CDK19: variants seen among roughly 807,000 people sequenced by gnomAD.
CDK19 encodes the protein cyclin-dependent kinase 19.
CDK19 carries 20 observed loss-of-function variants against 68.3 expected under a neutral mutation model. The ratio of observed to expected loss-of-function variants is 0.29; its 90% confidence interval spans 0.21 to 0.43. The LOEUF (loss-of-function observed/expected upper bound fraction) is 0.43. Among genes scored for constraint, CDK19 ranks in the 20% least tolerant of loss-of-function variants. The pLI is 1.00. For synonymous variants in CDK19, 221 were observed against 222.8 expected, an observed-to-expected ratio of 0.99 and a Z score of 0.07; for missense variants, 339 against 623.5, an observed-to-expected ratio of 0.54 and a Z score of 4.86.
At chr6:110,661,202 T>C (rs1011150357) in intron 4 of CDK19, among the ~76,000 whole-genome samples, 1 of 152,266 alleles carries the variant, frequency 6.6e-6, no homozygotes, top group Non-Finnish European at 1.5e-5. Flanking sequence ...TGGATCAATG[T>C]ACTGATCTTT....
intron 1 of CDK19, among the ~76,000 whole-genome samples, chr6:110,791,780 T>A (rs1314102808): frequency 6.6e-6 from 1 of 151,894 alleles, no homozygotes; most frequent in Non-Finnish European, 1.5e-5. Context: ...GCACACACAC[T>A]GTGCCCAGCT....
At chr6:110,651,731 C>T (rs935251954) in intron 4 of CDK19, among the ~76,000 whole-genome samples, 4 of 152,126 alleles carry the variant, frequency 2.6e-5, no homozygotes, top group African/African-American at 7.2e-5. Context: ...GGAGCATTCC[C>T]TCTTTCTCTA....
At chr6:110,777,792 T>G (rs993415096) in intron 1 of CDK19, among the ~76,000 whole-genome samples, 2 of 152,202 alleles carry the variant, frequency 1.3e-5, no homozygotes, top group Non-Finnish European at 2.9e-5. Context: ...CATATACATG[T>G]AACAGAATAT....
chr6:110,780,053 A>G (rs1780685855), intron 1 of CDK19, among the ~76,000 whole-genome samples: 1 of 152,098 alleles, frequency 6.6e-6, no homozygotes, highest in African/African-American at 2.4e-5. Flanking sequence ...CCCCGTCTCT[A>G]CTAAAAATAT....
At chr6:110,660,177 A>G (rs1015345770) in intron 4 of CDK19, among the ~76,000 whole-genome samples, 2 of 152,156 alleles carry the variant, frequency 1.3e-5, no homozygotes, top group Non-Finnish European at 1.5e-5. Context: ...GTGAAACAGG[A>G]TATTTCCCTG....
intron 1 of CDK19, among the ~76,000 whole-genome samples, chr6:110,798,899 T>C (rs1426366486): frequency 6.6e-6 from 1 of 151,402 alleles, no homozygotes; most frequent in Non-Finnish European, 1.5e-5. Flanking sequence ...TCCTAGTACT[T>C]TGGGAGGCTC....
intron 2 of CDK19, among the ~76,000 whole-genome samples, chr6:110,702,956 C>A (rs1440849134): frequency 6.6e-6 from 1 of 152,108 alleles, no homozygotes; most frequent in Non-Finnish European, 1.5e-5. Flanking sequence ...TCTTATTATG[C>A]ATATATTTCT....
At chr6:110,696,884 C>T (rs957379651) in intron 2 of CDK19, among the ~76,000 whole-genome samples, 2 of 151,908 alleles carry the variant, frequency 1.3e-5, no homozygotes, top group African/African-American at 4.8e-5. Flanking sequence ...CATGGCAAAA[C>T]CCCGTCTCTT....
At chr6:110,689,970 G>T (rs1349751497) in intron 2 of CDK19, among the ~76,000 whole-genome samples, 1 of 152,206 alleles carries the variant, frequency 6.6e-6, no homozygotes, top group African/African-American at 2.4e-5. Context: ...TTGAGTCCCA[G>T]ATCTTTCCAC....
chr6:110,640,533 A>T (rs1394623245), intron 4 of CDK19, among the ~76,000 whole-genome samples: 1 of 152,172 alleles, frequency 6.6e-6, no homozygotes, highest in African/African-American at 2.4e-5. Flanking sequence ...GGTGGTAAAG[A>T]TTTTACCAAG....
chr6:110,681,137 G>A (rs1450867074), intron 2 of CDK19, among the ~76,000 whole-genome samples: 1 of 152,172 alleles, frequency 6.6e-6, no homozygotes, highest in Non-Finnish European at 1.5e-5. Flanking sequence ...CTTGAGATCA[G>A]GAGTTCACGA....
chr6:110,654,470 T>C (rs1781173292), intron 4 of CDK19, among the ~76,000 whole-genome samples: 1 of 151,916 alleles, frequency 6.6e-6, no homozygotes, highest in Non-Finnish European at 1.5e-5. Context: ...GCAGGGAGAG[T>C]CATTCTGTCA....
chr6:110,746,415 G>A (rs930639814), intron 1 of CDK19, among the ~76,000 whole-genome samples: 21 of 152,014 alleles, frequency 1.4e-4, no homozygotes, highest in African/African-American at 2.4e-4. Flanking sequence ...CAGACACAGC[G>A]AAAACACAAA....
chr6:110,645,346 A>G (rs1394573422), intron 4 of CDK19, among the ~76,000 whole-genome samples: 2 of 152,240 alleles, frequency 1.3e-5, no homozygotes, highest in Non-Finnish European at 2.9e-5. Context: ...ATAAAAGTTT[A>G]AAATATTCAG....
intron 1 of CDK19, chr6:110,813,339 A>AT (rs1245142757): frequency 1.2e-4 from 19 of 152,296 alleles, no homozygotes; most frequent in Non-Finnish European, 2.6e-4. Context: ...ACTAAGATAC[A>AT]TTTTTTAAAA....
At chr6:110,745,167 AG>A (rs1777985930) in intron 2 of CDK19, among the ~76,000 whole-genome samples, 1 of 152,172 alleles carries the variant, frequency 6.6e-6, no homozygotes, top group African/African-American at 2.4e-5. Flanking sequence ...AGCTATAATT[AG>A]TTTTGCCTCT....
chr6:110,694,086 A>C (rs904012028), intron 2 of CDK19, among the ~76,000 whole-genome samples: 2 of 152,006 alleles, frequency 1.3e-5, no homozygotes, highest in African/African-American at 2.4e-5. Flanking sequence ...AAAAAAAAAA[A>C]AAAACAAGGT....
Position 110,610,921 on chromosome 6 carries a change from T to C in CDK19, c.*3614A>G, listed in dbSNP as rs185286169. On this transcript the variant is annotated 3_prime_UTR_variant, in exon 13 of 13. Coordinates refer to ENST00000368911, the MANE Select transcript of CDK19 (RefSeq NM_015076.5). ...GGCATAGAGAACAAGTAGCAGTTGCTTCACCAGGAATGAGGCAGCACACAT... is the reference window on the plus strand; with the variant it reads ...GGCATAGAGAACAAGTAGCAGTTGCCTCACCAGGAATGAGGCAGCACACAT... 3.3e-5 allele frequency: 5 copies of C among 152,340 alleles called. No individual in the cohort carries two copies. The highest frequency in any genetic ancestry group is 2.0e-4 in the Admixed American group (3 of 15,292). 9.4% of individuals were successfully genotyped at this position (152,340 alleles called of 1,614,324 possible). A position where few individuals can be genotyped will look rare whatever the true frequency, so the allele number is the denominator to read the frequency against.
Position 110,815,032 on chromosome 6 carries a change from G to A in CDK19, c.105C>T (p.Val35=), listed in dbSNP as rs1210769728. 6.2e-7 allele frequency: 1 copy of A among 1,604,120 alleles called. No homozygotes were observed. Among genetic ancestry groups the A allele is most frequent in the Non-Finnish European group, 8.5e-7 (1 of 1,176,130 alleles). The change falls in exon 1 of 13, where the codon GTC becomes GTT. Residue 35 remains valine (V), a synonymous_variant. Coordinates refer to ENST00000368911, the MANE Select transcript of CDK19 (RefSeq NM_015076.5). ...ACCCATCTTTCCGCCTCGCCTTGTA[G>A]ACGTGACCGTAGGTGCCGCGTCCCA... ...CKVGRGTYGH[V]YKARRKDGKD...
Sources: gnomAD v4.1 joint callset for allele counts (sites outside exome capture counted in the v4.1 genomes callset) on GRCh38, gnomAD v4.1.1 for gene constraint, MANE v1.5 for transcripts, NCBI Gene and HGNC (gene_info 2026-07-23, HGNC 2026-07-21) for gene names.